The following XRCC4 variants were observed in gnomAD, a reference collection of about 807,000 sequenced individuals.
XRCC4 encodes DNA repair protein XRCC4.
A neutral mutation model predicts 39.1 loss-of-function variants in XRCC4; 28 were observed. The ratio of observed to expected loss-of-function variants is 0.72; its 90% confidence interval spans 0.53 to 0.98. XRCC4 has a LOEUF of 0.98. XRCC4 is among the 50% of genes least tolerant of loss of function. XRCC4 has a pLI of 0.00. For missense variants in XRCC4, 350 were observed against 376.4 expected, an observed-to-expected ratio of 0.93 and a Z score of 0.58; for synonymous variants, 123 against 126.4, an observed-to-expected ratio of 0.97 and a Z score of 0.18.
At chr5:83,136,434 T>C (rs1369846305) in intron 3 of XRCC4, among the ~76,000 whole-genome samples, 2 of 152,242 alleles carry the variant, frequency 1.3e-5, no homozygotes, top group Non-Finnish European at 2.9e-5. Flanking sequence ...AAAAGAATTA[T>C]CCGGGTACTT....
intron 3 of XRCC4, among the ~76,000 whole-genome samples, chr5:83,132,173 G>A (rs992457996): frequency 6.6e-6 from 1 of 152,054 alleles, no homozygotes; most frequent in East Asian, 1.9e-4. Flanking sequence ...ATTCTGGGTT[G>A]AAAATTCTTT....
chr5:83,116,092 AAAAT>A (rs1194074312), intron 3 of XRCC4, among the ~76,000 whole-genome samples: 1 of 152,218 alleles, frequency 6.6e-6, no homozygotes, highest in Non-Finnish European at 1.5e-5. Flanking sequence ...GCTGGCAAAA[AAAAT>A]CTGCAGACAA....
chr5:83,345,349 C>T lies in XRCC4; in HGVS notation c.894-7782C>T, dbSNP rs1056035208. Among the ~76,000 whole-genome samples, 12 of 152,196 alleles carry T rather than the reference C, an allele frequency of 7.9e-5. No individual in the cohort carries two copies. In the South Asian group the frequency reaches 1.2e-3, roughly 16 times the overall value. ...AAAAGCTTTAAAGTTTTGCCTTTCT[C>T]ACTTAAGTGTTTAATTCACCTGGAA... On this transcript the variant is annotated intron_variant, in intron 7 of 7. Coordinates refer to ENST00000396027, the MANE Select transcript of XRCC4 (RefSeq NM_003401.5).
chr5:83,314,725 G>T (rs2112107048), intron 7 of XRCC4, among the ~76,000 whole-genome samples: 1 of 152,030 alleles, frequency 6.6e-6, no homozygotes, highest in South Asian at 2.1e-4. Flanking sequence ...TTTTACTATT[G>T]CAATTATTTT....
At chr5:83,127,945 T>A (rs1002659141) in intron 3 of XRCC4, among the ~76,000 whole-genome samples, 6 of 151,956 alleles carry the variant, frequency 3.9e-5, no homozygotes, top group Non-Finnish European at 7.4e-5. Flanking sequence ...TGTTAGTTTG[T>A]TTGTTTGTTT....
chr5:83,200,919 T>A (rs1337520113), intron 4 of XRCC4, among the ~76,000 whole-genome samples: 1 of 152,162 alleles, frequency 6.6e-6, no homozygotes, highest in Non-Finnish European at 1.5e-5. Context: ...TGTAGTGACA[T>A]GTCTTTGCTT....
the XRCC4 span, among the ~76,000 whole-genome samples, chr5:83,370,437 C>T: frequency 5.9e-5 from 9 of 152,158 alleles, no homozygotes; most frequent in South Asian, 2.1e-4. Context: ...ATAAAGTTCC[C>T]AGGAACAGAG....
At chr5:83,330,991 CTAT>C (rs1235800609) in intron 7 of XRCC4, among the ~76,000 whole-genome samples, 2 of 151,938 alleles carry the variant, frequency 1.3e-5, no homozygotes, top group Non-Finnish European at 2.9e-5. Flanking sequence ...TTATTTGAGA[CTAT>C]TTAAAACCAT....
At chr5:83,093,354 A>C (rs1419217668) in intron 1 of XRCC4, among the ~76,000 whole-genome samples, 1 of 152,244 alleles carries the variant, frequency 6.6e-6, no homozygotes, top group Non-Finnish European at 1.5e-5. Context: ...ACTGTAATAC[A>C]ATAACAGTAG....
At chr5:83,194,910 C>G (rs1218843593) in intron 3 of XRCC4, among the ~76,000 whole-genome samples, 2 of 152,110 alleles carry the variant, frequency 1.3e-5, no homozygotes, top group Non-Finnish European at 2.9e-5. Context: ...TAATAGTTCT[C>G]TTACGGTGAA....
chr5:83,320,390 T>TAAAAAAAAAAAAAAAAAAAAAAAAA, intron 7 of XRCC4, among the ~76,000 whole-genome samples: 1 of 137,968 alleles, frequency 7.2e-6, no homozygotes, highest in Non-Finnish European at 1.6e-5. Context: ...AATAAAAAAA[T>TAAAAAAAAAAAAAAAAAAAAAAAAA]AAAAAAAAAA....
intron 3 of XRCC4, among the ~76,000 whole-genome samples, chr5:83,192,247 AT>A (rs1265905053): frequency 3.6e-5 from 5 of 139,906 alleles, no homozygotes; most frequent in African/African-American, 7.6e-5. Flanking sequence ...ATATGTACAT[AT>A]TATATATACG....
intron 3 of XRCC4, among the ~76,000 whole-genome samples, chr5:83,167,791 A>G (rs1749550296): frequency 6.6e-6 from 1 of 152,240 alleles, no homozygotes; most frequent in Non-Finnish European, 1.5e-5. Context: ...AAGCCTGCAC[A>G]GATGAGAATC....
At chr5:83,279,147 TAC>T (rs1754448375) in intron 7 of XRCC4, among the ~76,000 whole-genome samples, 1 of 149,012 alleles carries the variant, frequency 6.7e-6, no homozygotes, top group Non-Finnish European at 1.5e-5. Context: ...TGAAAGTGAA[TAC>T]ACACAATAAA....
At chr5:83,193,867 C>A (rs1024378182) in intron 3 of XRCC4, among the ~76,000 whole-genome samples, 1 of 151,966 alleles carries the variant, frequency 6.6e-6, no homozygotes, top group African/African-American at 2.4e-5. Flanking sequence ...ATTTTTTTCT[C>A]CTGCTTTGTA....
intron 3 of XRCC4, among the ~76,000 whole-genome samples, chr5:83,162,565 T>A (rs1294624187): frequency 1.3e-5 from 2 of 152,208 alleles, no homozygotes; most frequent in Non-Finnish European, 2.9e-5. Context: ...TGTGGAAGCT[T>A]TTGATTAACT....
In XRCC4 at chr5:83,258,521, T is replaced by G; in HGVS notation, c.746-9T>G. 1 of 1,605,188 alleles carries G rather than the reference T, an allele frequency of 6.2e-7. No individual in the cohort carries two copies. Among genetic ancestry groups the G allele is most frequent in the Non-Finnish European group, 8.5e-7 (1 of 1,177,542 alleles). On this transcript the variant is annotated splice_polypyrimidine_tract_variant and intron_variant, in intron 6 of 7. Transcript: ENST00000396027. ...TGTTGGGTCACATTCTCATCTCATT[T>G]TATTTCAGCTGCTGTAAGTAAAGAT... is the stretch of plus-strand genomic sequence containing the variant.
intron 3 of XRCC4, among the ~76,000 whole-genome samples, chr5:83,135,263 T>G (rs979334349): frequency 6.6e-6 from 1 of 152,116 alleles, no homozygotes; most frequent in African/African-American, 2.4e-5. Flanking sequence ...ACCTGGTACC[T>G]CCATTGGAAA....
chr5:83,203,417 T>C (rs1751289046), intron 4 of XRCC4, 135 bp from the exon 5 acceptor site: 1 of 682,038 alleles, frequency 1.5e-6, no homozygotes, highest in Non-Finnish European at 2.2e-6. Context: ...TTATAAAACT[T>C]CCAAGTCAGT....
Sources: allele counts gnomAD v4.1 joint callset (sites outside exome capture counted in the v4.1 genomes callset), GRCh38; gene constraint gnomAD v4.1.1; transcripts MANE v1.5; gene names NCBI Gene and HGNC (gene_info 2026-07-23, HGNC 2026-07-21).